SLC4A10: variants seen among roughly 807,000 people sequenced by gnomAD.
SLC4A10 encodes sodium-driven chloride bicarbonate exchanger.
In SLC4A10, 42 loss-of-function variants were observed where a neutral mutation model predicts 137.7. The observed-to-expected ratio is 0.30, with a 90% CI of 0.24 to 0.39. The LOEUF (loss-of-function observed/expected upper bound fraction) is 0.39. SLC4A10 is among the 10% of genes least tolerant of loss of function. SLC4A10 has a pLI of 1.00. For synonymous variants in SLC4A10, 474 were observed against 464.1 expected (o/e 1.02, Z -0.27); for missense variants, 925 against 1,355.0 (o/e 0.68, Z 4.98).
intron 1 of SLC4A10, among the ~76,000 whole-genome samples, chr2:161,696,079 A>G (rs1291941610): frequency 6.7e-6 from 1 of 149,180 alleles, no homozygotes; most frequent in Non-Finnish European, 1.5e-5. Context: ...CCACCCCACG[A>G]CAGGCCCCGT....
intron 1 of SLC4A10, among the ~76,000 whole-genome samples, chr2:161,687,171 C>T (rs912784924): frequency 1.3e-5 from 2 of 152,062 alleles, no homozygotes; most frequent in Admixed American, 1.3e-4. Context: ...CCGCCCCCAG[C>T]CTTAAGAAGA....
intron 1 of SLC4A10, among the ~76,000 whole-genome samples, chr2:161,649,672 T>C (rs2105566833): frequency 6.6e-6 from 1 of 152,110 alleles, no homozygotes; most frequent in South Asian, 2.1e-4. Context: ...TTTCATAGGG[T>C]AGTTAAATTT....
At chr2:161,968,942 G>A (rs1698059393) in intron 23 of SLC4A10, among the ~76,000 whole-genome samples, 1 of 152,132 alleles carries the variant, frequency 6.6e-6, no homozygotes, top group African/African-American at 2.4e-5. Flanking sequence ...TCTTACTGTG[G>A]CATCTTATAC....
intron 1 of SLC4A10, among the ~76,000 whole-genome samples, chr2:161,711,739 A>G (rs773762568): frequency 5.3e-5 from 8 of 151,808 alleles, no homozygotes; most frequent in Non-Finnish European, 4.4e-5. Flanking sequence ...GGCTTGTGCA[A>G]TGGTTCAGTG....
At chr2:161,839,489 C>T (rs1421731649) in intron 3 of SLC4A10, among the ~76,000 whole-genome samples, 1 of 151,904 alleles carries the variant, frequency 6.6e-6, no homozygotes, top group Non-Finnish European at 1.5e-5. Flanking sequence ...AAATAGTCTC[C>T]ATGAGTGTTA....
At chr2:161,726,854 G>A (rs1040080440) in intron 1 of SLC4A10, among the ~76,000 whole-genome samples, 5 of 152,264 alleles carry the variant, frequency 3.3e-5, no homozygotes, top group East Asian at 1.9e-4. Context: ...GGCTGCAGTG[G>A]GCCGAGACTG....
At position 161,889,777 on chromosome 2, in the gene SLC4A10, C is replaced by A. The variant is rs182098419; in HGVS notation, c.1195-4902C>A. On this transcript the variant is annotated intron_variant, in intron 10 of 26. Transcript: ENST00000446997. ...TTTTGAAGGGTTTTTGTGTGTGTGT[C>A]TCTGTCTCCTTTAGCTCTGCTCTGA... Among the ~76,000 whole-genome samples the A allele has an allele frequency of 1.0e-3, 158 of 152,164 alleles. 3 individuals are homozygous for A. Among genetic ancestry groups the A allele is most frequent in the Admixed American group, 2.7e-3 (41 of 15,272 alleles).
At chr2:161,792,673 CAGGTGTAGCTACCAATT>C (rs1309568653) in intron 2 of SLC4A10, among the ~76,000 whole-genome samples, 2 of 152,122 alleles carry the variant, frequency 1.3e-5, no homozygotes, top group Non-Finnish European at 2.9e-5. Context: ...ACAATATAAA[CAGGTGTAGCTACCAATT>C]AGGACATGTC....
chr2:161,829,126 C>T (rs886428198), intron 3 of SLC4A10, among the ~76,000 whole-genome samples: 2 of 151,872 alleles, frequency 1.3e-5, no homozygotes, highest in Admixed American at 6.6e-5. Flanking sequence ...CCTCCTTGAC[C>T]GTGTAGCCTT....
chr2:161,845,644 T>G (rs1196295218), intron 4 of SLC4A10, among the ~76,000 whole-genome samples: 1 of 152,040 alleles, frequency 6.6e-6, no homozygotes, highest in Non-Finnish European at 1.5e-5. Flanking sequence ...CATAAATCAC[T>G]GGAACGGAAT....
At chr2:161,760,324 G>T (rs541160796) in intron 1 of SLC4A10, among the ~76,000 whole-genome samples, 1 of 151,772 alleles carries the variant, frequency 6.6e-6, no homozygotes, top group African/African-American at 2.4e-5. Context: ...CATCTTTCCA[G>T]TTAACTGTTT....
chr2:161,840,296 A>C (rs1172686963), intron 4 of SLC4A10, among the ~76,000 whole-genome samples: 1 of 152,234 alleles, frequency 6.6e-6, no homozygotes, highest in Non-Finnish European at 1.5e-5. Context: ...TTTTAAAAGA[A>C]AGGGCAAATA....
chr2:161,728,782 T>C (rs2046509854), intron 1 of SLC4A10, among the ~76,000 whole-genome samples: 1 of 152,162 alleles, frequency 6.6e-6, no homozygotes, highest in South Asian at 2.1e-4. Context: ...ATATCCCTCA[T>C]GAACATCAAC....
intron 2 of SLC4A10, among the ~76,000 whole-genome samples, chr2:161,792,498 A>G (rs2054311461): frequency 6.6e-6 from 1 of 152,176 alleles, no homozygotes; most frequent in East Asian, 1.9e-4. Context: ...TGGCAGTTGT[A>G]CCATGAAGGT....
At chr2:161,961,587 A>C (rs1696739792) in intron 21 of SLC4A10, among the ~76,000 whole-genome samples, 1 of 145,760 alleles carries the variant, frequency 6.9e-6, no homozygotes, top group South Asian at 2.1e-4. Flanking sequence ...TTCCATGAGT[A>C]CTAATTTCAT....
At chr2:161,788,943 C>T (rs1430979061) in intron 2 of SLC4A10, among the ~76,000 whole-genome samples, 2 of 152,190 alleles carry the variant, frequency 1.3e-5, no homozygotes, top group Non-Finnish European at 2.9e-5. Context: ...GCACTGAGGG[C>T]TAGATTTCCA....
chr2:161,984,148 T>A lies in SLC4A10; in HGVS notation c.*996T>A, dbSNP rs1482978472. On this transcript the variant is annotated 3_prime_UTR_variant, in exon 27 of 27. Transcript: ENST00000446997. ...GCTTAATGCTGGTCCTGAATCATGT[T>A]CTCATGTTAGACCAACAGCTCTCCA... 1 of 152,190 alleles carries A rather than the reference T, an allele frequency of 6.6e-6. No individual in the cohort carries two copies. The highest frequency in any genetic ancestry group is 1.5e-5 in the Non-Finnish European group (1 of 68,010). The allele number at this position is 152,190 out of a possible 1,614,324, so 9.4% of individuals were successfully genotyped here.
intron 20 of SLC4A10, 151 bp from the exon 21 acceptor site, chr2:161,958,336 A>C: frequency 1.6e-6 from 1 of 623,420 alleles, no homozygotes; most frequent in Non-Finnish European, 2.7e-6. Flanking sequence ...TAAAAATGCT[A>C]GAGCTGGAAC....
At chr2:161,906,193 G>T (rs548468342) in intron 15 of SLC4A10, among the ~76,000 whole-genome samples, 1 of 152,096 alleles carries the variant, frequency 6.6e-6, no homozygotes, top group African/African-American at 2.4e-5. Flanking sequence ...TTACCTTAGC[G>T]AAATATATGT....
Sources: gnomAD v4.1 joint callset for allele counts (sites outside exome capture counted in the v4.1 genomes callset) on GRCh38, gnomAD v4.1.1 for gene constraint, MANE v1.5 for transcripts, NCBI Gene and HGNC (gene_info 2026-07-23, HGNC 2026-07-21) for gene names.